The following NUMB variants were observed in gnomAD, a reference collection of about 807,000 sequenced individuals.
NUMB encodes NUMB endocytic adaptor protein.
NUMB carries 29 observed loss-of-function variants against 59.7 expected under a neutral mutation model. That is an observed-to-expected ratio of 0.49 (90% CI 0.36 to 0.66). NUMB has a LOEUF of 0.66. NUMB is among the 30% of genes least tolerant of loss of function. The pLI is 0.00. For synonymous variants in NUMB, 288 were observed against 288.2 expected (o/e 1.00, Z 0.01); for missense variants, 723 against 822.0 (o/e 0.88, Z 1.47).
intron 7 of NUMB, among the ~76,000 whole-genome samples, chr14:73,295,802 T>A (rs535787353): frequency 1.3e-5 from 2 of 152,296 alleles, no homozygotes; most frequent in Admixed American, 1.3e-4. Flanking sequence ...TAACACCCTA[T>A]GCTTTCTAGG....
At chr14:73,361,695 TAATTA>T (rs924448343) in intron 3 of NUMB, among the ~76,000 whole-genome samples, 2 of 152,266 alleles carry the variant, frequency 1.3e-5, no homozygotes, top group Admixed American at 6.5e-5. Context: ...CATCAATTGT[TAATTA>T]AATAATATTC....
intron 3 of NUMB, among the ~76,000 whole-genome samples, chr14:73,363,112 A>G (rs1046639779): frequency 1.3e-5 from 2 of 152,202 alleles, no homozygotes; most frequent in East Asian, 1.9e-4. Flanking sequence ...CCTGGCCTAC[A>G]TGGCAAAATC....
chr14:73,417,191 C>A (rs1404413081), intron 1 of NUMB, among the ~76,000 whole-genome samples: 2 of 152,056 alleles, frequency 1.3e-5, no homozygotes, highest in Admixed American at 1.3e-4. Context: ...CCCTCAAGTC[C>A]ATGTGTGACC....
intron 2 of NUMB, among the ~76,000 whole-genome samples, chr14:73,384,371 G>T (rs1349834711): frequency 3.3e-5 from 5 of 152,034 alleles, no homozygotes; most frequent in African/African-American, 1.2e-4. Flanking sequence ...TTACAGGCTT[G>T]AGCCACCTCA....
At chr14:73,376,659 T>C (rs557785886) in intron 2 of NUMB, among the ~76,000 whole-genome samples, 10 of 152,328 alleles carry the variant, frequency 6.6e-5, no homozygotes, top group African/African-American at 1.4e-4. Context: ...CAAGACAGTA[T>C]GGTATTTCAA....
At chr14:73,353,072 G>GTTTTTCTTTTTT (rs71450219) in intron 4 of NUMB, among the ~76,000 whole-genome samples, 1,795 of 58,458 alleles carry the variant, frequency 0.031, 430 homozygotes, top group Middle Eastern at 0.11. Context: ...AGTTTTTCTT[G>GTTTTTCTTTTTT]TTTTTTTTTT....
chr14:73,379,767 G>C (rs749434017), intron 2 of NUMB, among the ~76,000 whole-genome samples: 2 of 152,174 alleles, frequency 1.3e-5, no homozygotes, highest in Non-Finnish European at 2.9e-5. Context: ...TGCAGTGTTA[G>C]AGGAATAACA....
intron 7 of NUMB, among the ~76,000 whole-genome samples, chr14:73,294,810 C>CGTGG (rs1480916967): frequency 1.1e-4 from 1 of 8,948 alleles, no homozygotes; most frequent in African/African-American, 5.2e-4. Context: ...TGAGCCACCA[C>CGTGG]GCCCAGCCTC....
At chr14:73,288,402 T>C (rs2139819838) in intron 8 of NUMB, among the ~76,000 whole-genome samples, 1 of 151,384 alleles carries the variant, frequency 6.6e-6, no homozygotes, top group East Asian at 1.9e-4. Flanking sequence ...AATACAAAAA[T>C]TAGCCGGATG....
At chr14:73,436,539 T>C (rs769602425) in intron 1 of NUMB, among the ~76,000 whole-genome samples, 1 of 152,114 alleles carries the variant, frequency 6.6e-6, no homozygotes. Flanking sequence ...AGGCTCGTCT[T>C]GAACTCCTAA....
At chr14:73,370,872 A>G (rs1894639284) in intron 2 of NUMB, among the ~76,000 whole-genome samples, 1 of 152,262 alleles carries the variant, frequency 6.6e-6, no homozygotes. Flanking sequence ...AATGTTAGGT[A>G]AATTTTTAAC....
At chr14:73,410,745 T>A (rs560047951) in intron 1 of NUMB, among the ~76,000 whole-genome samples, 1 of 152,302 alleles carries the variant, frequency 6.6e-6, no homozygotes, top group South Asian at 2.1e-4. Context: ...TATAAATTCT[T>A]TTTAGAAATT....
At chr14:73,419,812 C>A (rs971315439) in intron 1 of NUMB, among the ~76,000 whole-genome samples, 1 of 152,180 alleles carries the variant, frequency 6.6e-6, no homozygotes, top group African/African-American at 2.4e-5. Flanking sequence ...GTACAGAATT[C>A]ACTCCATCAA....
intron 12 of NUMB, among the ~76,000 whole-genome samples, chr14:73,278,053 A>AAAC (rs200290854): frequency 0.06 from 8,835 of 146,666 alleles, 457 homozygotes; most frequent in Non-Finnish European, 0.093. Flanking sequence ...CTCAAAAAAA[A>AAAC]AAAAAAAAAA....
At chr14:73,355,278 CTCAGCTTCACCAG>C (rs1195204339) in intron 4 of NUMB, among the ~76,000 whole-genome samples, 2 of 152,186 alleles carry the variant, frequency 1.3e-5, no homozygotes, top group African/African-American at 4.8e-5. Flanking sequence ...CTTCCACTCC[CTCAGCTTCACCAG>C]TTAGTAAGCA....
intron 6 of NUMB, among the ~76,000 whole-genome samples, chr14:73,303,029 C>T (rs151144336): frequency 2.0e-5 from 3 of 151,826 alleles, no homozygotes; most frequent in East Asian, 2.0e-4. Flanking sequence ...ACCAACCTCA[C>T]GAACATGGCG....
chr14:73,440,097 A>C (rs2140184727), intron 1 of NUMB, among the ~76,000 whole-genome samples: 1 of 152,250 alleles, frequency 6.6e-6, no homozygotes, highest in East Asian at 1.9e-4. Flanking sequence ...TGCTATTGGA[A>C]AAATTAGTGA....
Position 73,276,610 on chromosome 14 carries a change from C to T in NUMB, c.1924G>A (p.Asp642Asn). The T allele has an allele frequency of 6.2e-7, 1 of 1,613,670 alleles. No homozygotes were observed. Among genetic ancestry groups the T allele is most frequent in the Non-Finnish European group, 8.5e-7 (1 of 1,179,656 alleles). Reference protein sequence around the residue: ...NPSPTNPFSSDLQKTFEIEL With the variant: ...NPSPTNPFSSNLQKTFEIEL Reference sequence around the variant, plus strand: ...TCAATTTCAAACGTCTTCTGTAAGTCACTGGAGAAAGGGTTGGTAGGGGAG... The same window carrying T: ...TCAATTTCAAACGTCTTCTGTAAGTTACTGGAGAAAGGGTTGGTAGGGGAG... Residue 642 changes from aspartate to asparagine, a missense_variant, in exon 13 of 13, where the codon GAC becomes AAC. By Grantham distance (23) the Asp-to-Asn change is conservative (BLOSUM62 1). Coordinates refer to ENST00000555238, the MANE Select transcript of NUMB (RefSeq NM_001005743.2).
chr14:73,441,774 G>A (rs1883085549), intron 1 of NUMB, among the ~76,000 whole-genome samples: 1 of 151,984 alleles, frequency 6.6e-6, no homozygotes, highest in Admixed American at 6.6e-5. Flanking sequence ...TACTAGGGAG[G>A]CTGAGGTGGA....
Sources: allele counts gnomAD v4.1 joint callset (sites outside exome capture counted in the v4.1 genomes callset), GRCh38; gene constraint gnomAD v4.1.1; transcripts MANE v1.5; gene names NCBI Gene and HGNC (gene_info 2026-07-23, HGNC 2026-07-21).